Variants in SLC39A11 observed in about 807,000 individuals in gnomAD.
SLC39A11 encodes the protein zinc transporter ZIP11.
A neutral mutation model predicts 36.1 loss-of-function variants in SLC39A11; 33 were observed. The observed-to-expected ratio is 0.91, with a 90% CI of 0.69 to 1.22. The LOEUF (loss-of-function observed/expected upper bound fraction) is 1.22, where lower values mean the gene tolerates loss of function less well. Ranked by LOEUF, SLC39A11 falls within the 50% of genes most tolerant of loss-of-function variation. SLC39A11 has a pLI of 0.00. For missense variants in SLC39A11, 432 were observed against 430.3 expected (o/e 1.00, Z -0.03); for synonymous variants, 166 against 170.3 (o/e 0.97, Z 0.20).
chr17:73,047,027 A>T (rs1184076399), intron 3 of SLC39A11, among the ~76,000 whole-genome samples: 34 of 138,006 alleles, frequency 2.5e-4, no homozygotes, highest in African/African-American at 4.6e-4. Flanking sequence ...TATTTTATTT[A>T]TTTTTTTTTT....
At chr17:72,996,791 A>C (rs1374395824) in intron 4 of SLC39A11, among the ~76,000 whole-genome samples, 1 of 152,200 alleles carries the variant, frequency 6.6e-6, no homozygotes, top group Non-Finnish European at 1.5e-5. Flanking sequence ...TATTCAACCC[A>C]GTATACCCAC....
intron 7 of SLC39A11, among the ~76,000 whole-genome samples, chr17:72,673,261 C>G (rs748617830): frequency 5.3e-5 from 8 of 152,104 alleles, no homozygotes; most frequent in Non-Finnish European, 1.0e-4. Flanking sequence ...TGTGCCACCA[C>G]ACCTGGCTAG....
intron 6 of SLC39A11, among the ~76,000 whole-genome samples, chr17:72,765,109 T>C (rs7224611): frequency 0.025 from 3,881 of 152,300 alleles, 143 homozygotes; most frequent in African/African-American, 0.088. Flanking sequence ...GCCTGAATCC[T>C]GCCAAGTGTA....
At chr17:72,742,484 G>C (rs6501561) in intron 6 of SLC39A11, among the ~76,000 whole-genome samples, 125,795 of 152,110 alleles carry the variant, frequency 0.83, 52,794 homozygotes, top group African/African-American at 0.89. Context: ...CTAACACACC[G>C]GAGACCATCA....
At position 72,670,212 on chromosome 17, in the gene SLC39A11, C is replaced by CACAT. The variant is rs1300718493; in HGVS notation, c.672-20945_672-20944insATGT. Reference sequence around the variant, plus strand: ...ACACACACACACACACACACACACACATATATATATATGCCAGGCATGGTG... The same window carrying CACAT: ...ACACACACACACACACACACACACACACATATATATATATATGCCAGGCATGGTG... On this transcript the variant is annotated intron_variant, in intron 7 of 9. Coordinates refer to ENST00000255559, the MANE Select transcript of SLC39A11 (RefSeq NM_139177.4). 2.7e-4 allele frequency among the ~76,000 whole-genome samples: 34 copies of CACAT among 125,210 alleles called. 2 individuals are homozygous for CACAT. Among genetic ancestry groups the CACAT allele is most frequent in the Admixed American group, 6.3e-4 (8 of 12,732 alleles). The allele number at this position is 125,210 out of a possible 152,430, so 82.1% of individuals were successfully genotyped here. A position where few individuals can be genotyped will look rare whatever the true frequency, so the allele number is the denominator to read the frequency against.
Position 73,081,638 on chromosome 17 carries a change from C to T in SLC39A11, c.147+3170G>A, listed in dbSNP as rs200631667. 9.6e-4 allele frequency among the ~76,000 whole-genome samples: 29 copies of T among 30,362 alleles called. 1 individual carries two copies. The highest frequency in any genetic ancestry group is 2.2e-3 in the African/African-American group (27 of 12,200). 19.9% of individuals were successfully genotyped at this position (30,362 alleles called of 152,430 possible). The stretch of plus-strand genomic sequence containing the variant: ...ATATATATATATATATACATACACA[C>T]ACACACACACACACACACACACACA... On this transcript the variant is annotated intron_variant, in intron 3 of 9. Transcript: ENST00000255559.
intron 3 of SLC39A11, among the ~76,000 whole-genome samples, chr17:73,053,134 C>G (rs1274274821): frequency 6.6e-6 from 1 of 152,164 alleles, no homozygotes; most frequent in Non-Finnish European, 1.5e-5. Context: ...TACAGTGAGC[C>G]AAGATTGTGC....
At chr17:72,788,763 C>G (rs112322875) in intron 6 of SLC39A11, among the ~76,000 whole-genome samples, 3 of 152,310 alleles carry the variant, frequency 2.0e-5, no homozygotes, top group Admixed American at 6.5e-5. Flanking sequence ...CTGGACAATA[C>G]TAGAGGCAGG....
At position 72,990,209 on chromosome 17, in the gene SLC39A11, G is replaced by C. The variant is rs138486239; in HGVS notation, c.306+41347C>G. 3.9e-5 allele frequency among the ~76,000 whole-genome samples: 6 copies of C among 152,286 alleles called. No homozygotes were observed. In the East Asian group the frequency reaches 1.2e-3, roughly 29 times the overall value. On this transcript the variant is annotated intron_variant, in intron 4 of 9. Coordinates refer to ENST00000255559, the MANE Select transcript of SLC39A11 (RefSeq NM_139177.4). ...TTCAAACCGATGCAGAGCCTTGATG[G>C]CTGCTACAAATAAATTATTCCAACC...
chr17:73,081,045 G>A (rs964491867), intron 3 of SLC39A11, among the ~76,000 whole-genome samples: 4 of 151,924 alleles, frequency 2.6e-5, no homozygotes, highest in East Asian at 1.9e-4. Context: ...CCCACAGAGT[G>A]GGAGAAAACC....
intron 7 of SLC39A11, among the ~76,000 whole-genome samples, chr17:72,726,148 T>A (rs2073922430): frequency 6.6e-6 from 1 of 151,990 alleles, no homozygotes; most frequent in South Asian, 2.1e-4. Context: ...GCTCCACGAG[T>A]CTGGGAGACT....
chr17:72,835,553 T>C (rs2078493377), intron 6 of SLC39A11, among the ~76,000 whole-genome samples: 1 of 152,192 alleles, frequency 6.6e-6, no homozygotes, highest in Non-Finnish European at 1.5e-5. Context: ...CTCTACCTCC[T>C]GGGCTCAAGT....
At chr17:72,936,161 G>T (rs1439820921) in intron 5 of SLC39A11, among the ~76,000 whole-genome samples, 1 of 152,058 alleles carries the variant, frequency 6.6e-6, no homozygotes, top group African/African-American at 2.4e-5. Flanking sequence ...TCACGTCACT[G>T]CATTCCAGCC....
intron 3 of SLC39A11, among the ~76,000 whole-genome samples, chr17:73,040,098 T>C (rs1329269020): frequency 6.6e-6 from 1 of 152,228 alleles, no homozygotes; most frequent in Non-Finnish European, 1.5e-5. Flanking sequence ...CCCGATATTC[T>C]GATAGAAACT....
chr17:72,887,757 A>C (rs2081506859), intron 5 of SLC39A11, among the ~76,000 whole-genome samples: 1 of 150,972 alleles, frequency 6.6e-6, no homozygotes, highest in African/African-American at 2.5e-5. Flanking sequence ...ATTTGTGTAC[A>C]TGCTTGCCTG....
intron 5 of SLC39A11, among the ~76,000 whole-genome samples, chr17:72,905,881 G>C (rs543620502): frequency 6.6e-6 from 1 of 152,192 alleles, no homozygotes; most frequent in East Asian, 2.0e-4. Flanking sequence ...AGCCTCCTGA[G>C]TAGCTGGGAC....
At chr17:72,744,652 C>T (rs2074855961) in intron 6 of SLC39A11, among the ~76,000 whole-genome samples, 1 of 152,042 alleles carries the variant, frequency 6.6e-6, no homozygotes, top group African/African-American at 2.4e-5. Context: ...GGCTAGCTTC[C>T]TGGTTCACAG....
chr17:73,043,599 T>G (rs1175726186), intron 3 of SLC39A11, among the ~76,000 whole-genome samples: 2 of 152,084 alleles, frequency 1.3e-5, no homozygotes, highest in Non-Finnish European at 2.9e-5. Context: ...GAAGGGTAAC[T>G]TGGCATCAGC....
rs192135296 is a variant in SLC39A11, at chr17:72,905,254, T to G, written c.430+42498A>C. On this transcript the variant is annotated intron_variant, in intron 5 of 9. Coordinates refer to ENST00000255559, the MANE Select transcript of SLC39A11 (RefSeq NM_139177.4). Reference sequence around the variant, plus strand: ...TGACCAGTATGAAAATAGCAGTGCTTTGTGGCTGGATGGATTCTGTTTCTG... The same window carrying G: ...TGACCAGTATGAAAATAGCAGTGCTGTGTGGCTGGATGGATTCTGTTTCTG... Among the ~76,000 whole-genome samples, 13 of 149,130 alleles carry G rather than the reference T, an allele frequency of 8.7e-5. No individual in the cohort carries two copies. The East Asian group carries it at 2.4e-3, about 27-fold the overall frequency.
Sources: allele counts gnomAD v4.1 joint callset (sites outside exome capture counted in the v4.1 genomes callset), GRCh38; gene constraint gnomAD v4.1.1; transcripts MANE v1.5; gene names NCBI Gene and HGNC (gene_info 2026-07-23, HGNC 2026-07-21).